The following CNKSR2 variants were observed in gnomAD, a reference collection of about 807,000 sequenced individuals.
CNKSR2 encodes the protein CNK homolog protein 2.
A neutral mutation model predicts 84.4 loss-of-function variants in CNKSR2; 14 were observed. That is an observed-to-expected ratio of 0.17 (90% CI 0.11 to 0.26). The LOEUF (loss-of-function observed/expected upper bound fraction) is 0.26. Among genes scored for constraint, CNKSR2 ranks in the 10% least tolerant of loss-of-function variants. The pLI, the probability that CNKSR2 is intolerant of heterozygous loss-of-function variation, is 1.00. For missense variants in CNKSR2, 485 were observed against 771.2 expected, an observed-to-expected ratio of 0.63 and a Z score of 4.40; for synonymous variants, 275 against 277.9, an observed-to-expected ratio of 0.99 and a Z score of 0.10.
At chrX:21,393,130 C>T (rs1178304469) in intron 1 of CNKSR2, among the ~76,000 whole-genome samples, 2 of 112,184 alleles carry the variant, frequency 1.8e-5, no homozygotes, top group Admixed American at 1.9e-4. Flanking sequence ...ATTAATACCT[C>T]TCTGTAAAAA....
chrX:21,496,070 T>C (rs2091496331), intron 6 of CNKSR2, among the ~76,000 whole-genome samples: 1 of 110,803 alleles, frequency 9.0e-6, no homozygotes, highest in Non-Finnish European at 1.9e-5. Context: ...TGTGACACAG[T>C]GTTAAGTATC....
intron 1 of CNKSR2, among the ~76,000 whole-genome samples, chrX:21,393,725 C>G (rs927006619): frequency 4.5e-5 from 5 of 112,249 alleles, no homozygotes; most frequent in Non-Finnish European, 9.4e-5. Flanking sequence ...CAGATGGACA[C>G]AAGTTCTTCA....
chrX:21,432,734 C>T lies in CNKSR2; in HGVS notation c.351C>T (p.Ser117=). Residue 117 remains serine, a synonymous_variant, in exon 3 of 22, where the codon AGC becomes AGT. Transcript: ENST00000379510. ...GTGGCCATTATGATGGGAGGACCAG[C>T]CGAAAATTGCCAAACGACTTTCTGA... ...RRSGHYDGRT[S]RKLPNDFLTS... is the part of the protein sequence containing the mutation. 2.5e-6 allele frequency: 3 copies of T among 1,210,303 alleles called. No homozygotes were observed. The highest frequency in any genetic ancestry group is 1.8e-5 in the South Asian group (1 of 56,791).
At chrX:21,539,122 A>G (rs1322778599) in intron 11 of CNKSR2, among the ~76,000 whole-genome samples, 4 of 112,620 alleles carry the variant, frequency 3.6e-5, no homozygotes, top group East Asian at 5.6e-4. Flanking sequence ...TACTTCTGGA[A>G]CACTTAAATT....
rs1180305772 is a variant in CNKSR2, at chrX:21,476,696, G to T, written c.561+5889G>T. Among the ~76,000 whole-genome samples, 3 of 111,223 alleles carry T rather than the reference G, an allele frequency of 2.7e-5. No individual in the cohort carries two copies. The East Asian group carries it at 8.4e-4, about 31-fold the overall frequency. ...AGACTGAACATCTTGGGTTTCCTTT[G>T]AATTTGCCATTAAGTATAATGGAAC... On this transcript the variant is annotated intron_variant, in intron 5 of 21. Transcript: ENST00000379510.
At chrX:21,449,167 G>A (rs1206915715) in intron 4 of CNKSR2, among the ~76,000 whole-genome samples, 3 of 109,455 alleles carry the variant, frequency 2.7e-5, no homozygotes, top group Admixed American at 9.8e-5. Flanking sequence ...AGCCAGGCAT[G>A]GTGGTTCATG....
intron 18 of CNKSR2, 196 bp from the exon 19 acceptor site, chrX:21,606,583 G>T: frequency 3.0e-6 from 1 of 329,653 alleles, no homozygotes. Context: ...TTAGAATTAG[G>T]TGATTGTACA....
intron 20 of CNKSR2, 25 bp from the exon 21 acceptor site, chrX:21,648,806 T>TTTTTTTTTTTTTTG: frequency 2.6e-6 from 2 of 757,650 alleles, no homozygotes; most frequent in East Asian, 4.6e-5. Flanking sequence ...TTTTTTTTTT[T>TTTTTTTTTTTTTTG]TTTTTTTTTT....
chrX:21,430,608 A>G (rs966348948), intron 2 of CNKSR2, among the ~76,000 whole-genome samples: 1 of 112,292 alleles, frequency 8.9e-6, no homozygotes, highest in African/African-American at 3.2e-5. Context: ...AATGAAAAAT[A>G]CAATCATTTT....
intron 4 of CNKSR2, among the ~76,000 whole-genome samples, chrX:21,464,869 TC>T (rs1204787657): frequency 8.9e-6 from 1 of 112,620 alleles, no homozygotes; most frequent in African/African-American, 3.2e-5. Flanking sequence ...AAATTGCTTT[TC>T]TTTTAAAACA....
chrX:21,560,128 G>A (rs2092174687), intron 11 of CNKSR2, among the ~76,000 whole-genome samples: 1 of 111,403 alleles, frequency 9.0e-6, no homozygotes, highest in African/African-American at 3.3e-5. Flanking sequence ...GATTAAAGGA[G>A]GAAGAATTGT....
At chrX:21,474,703 T>C (rs1187611860) in intron 5 of CNKSR2, among the ~76,000 whole-genome samples, 2 of 111,419 alleles carry the variant, frequency 1.8e-5, no homozygotes, top group African/African-American at 6.5e-5. Flanking sequence ...TTAAGGGGTG[T>C]CTGGTATAAT....
intron 20 of CNKSR2, among the ~76,000 whole-genome samples, chrX:21,623,580 A>C (rs1383362425): frequency 8.9e-6 from 1 of 111,800 alleles, no homozygotes; most frequent in Non-Finnish European, 1.9e-5. Flanking sequence ...CCAGTGATAT[A>C]CCTCTCCCAA....
chrX:21,411,994 A>C (rs1235839992), intron 1 of CNKSR2, among the ~76,000 whole-genome samples: 2 of 112,054 alleles, frequency 1.8e-5, no homozygotes, highest in Non-Finnish European at 3.8e-5. Context: ...AAAAGCAGTG[A>C]GATGAGCATC....
chrX:21,448,042 A>T (rs1393606403), intron 4 of CNKSR2, among the ~76,000 whole-genome samples: 1 of 111,475 alleles, frequency 9.0e-6, no homozygotes, highest in East Asian at 2.8e-4. Context: ...GAAAAAATGC[A>T]TGTAATTAAG....
intron 21 of CNKSR2, among the ~76,000 whole-genome samples, chrX:21,652,083 A>C (rs1211455636): frequency 1.8e-5 from 2 of 111,786 alleles, no homozygotes; most frequent in Non-Finnish European, 3.8e-5. Flanking sequence ...GATGGGCAAA[A>C]GGACAGGCAA....
chrX:21,602,125 TTTTGTTTG>T lies in CNKSR2; in HGVS notation c.2044+796_2044+803del, dbSNP rs369571349. On this transcript the variant is annotated intron_variant, in intron 18 of 21. Coordinates refer to ENST00000379510, the MANE Select transcript of CNKSR2 (RefSeq NM_014927.5). ...TAAAATCTCAGCCAGGTTTTGTTTT[TTTTGTTTG>T]TTTGTTTGTTTGTTTGTTTTTTTGA... Among the ~76,000 whole-genome samples the T allele has an allele frequency of 4.2e-4, 47 of 110,831 alleles. No individual in the cohort carries two copies. In the East Asian group the frequency reaches 9.9e-3, roughly 23 times the overall value.
chrX:21,554,810 T>C (rs778392266), intron 11 of CNKSR2, among the ~76,000 whole-genome samples: 2 of 111,403 alleles, frequency 1.8e-5, no homozygotes, highest in Non-Finnish European at 3.8e-5. Context: ...GCATATGTCT[T>C]TATAATAGAA....
At chrX:21,591,994 A>G (rs1039309552) in intron 15 of CNKSR2, 7 of 111,912 alleles carry the variant, frequency 6.3e-5, no homozygotes, top group Non-Finnish European at 1.1e-4. Flanking sequence ...TGAATAGTCC[A>G]ATACTATTAT....
Sources: gnomAD v4.1 joint callset for allele counts (sites outside exome capture counted in the v4.1 genomes callset) on GRCh38, gnomAD v4.1.1 for gene constraint, MANE v1.5 for transcripts, NCBI Gene and HGNC (gene_info 2026-07-23, HGNC 2026-07-21) for gene names.